ZCCHC7: variants seen among roughly 807,000 people sequenced by gnomAD.
ZCCHC7 encodes zinc finger CCHC-type containing 7, also known as zinc finger CCHC domain-containing protein 7.
Under a neutral mutation model 52.0 loss-of-function variants are expected in ZCCHC7, and 35 were observed. The observed-to-expected ratio is 0.67, with a 90% CI of 0.51 to 0.89. The LOEUF (loss-of-function observed/expected upper bound fraction) is 0.89. Among genes scored for constraint, ZCCHC7 ranks in the 40% least tolerant of loss-of-function variants. ZCCHC7 has a pLI of 0.00. For synonymous variants in ZCCHC7, 217 were observed against 221.5 expected (o/e 0.98, Z 0.18); for missense variants, 574 against 649.1 (o/e 0.88, Z 1.26).
chr9:37,270,485 G>A (rs1011055705), intron 2 of ZCCHC7, among the ~76,000 whole-genome samples: 7 of 152,042 alleles, frequency 4.6e-5, no homozygotes, highest in Admixed American at 3.3e-4. Context: ...GAAGTCCGGG[G>A]TTCAAAACCA....
At chr9:37,291,373 AAGC>A (rs1156363680) in intron 2 of ZCCHC7, among the ~76,000 whole-genome samples, 1 of 152,170 alleles carries the variant, frequency 6.6e-6, no homozygotes, top group African/African-American at 2.4e-5. Flanking sequence ...TAAAAAAAAA[AAGC>A]AGAGTATTCT....
At chr9:37,261,918 T>C (rs996662342) in intron 2 of ZCCHC7, among the ~76,000 whole-genome samples, 2 of 152,198 alleles carry the variant, frequency 1.3e-5, no homozygotes, top group East Asian at 3.8e-4. Context: ...CCAGAGGTCT[T>C]AGTAAATGAG....
At chr9:37,284,586 A>T (rs987098700) in intron 2 of ZCCHC7, among the ~76,000 whole-genome samples, 4 of 130,054 alleles carry the variant, frequency 3.1e-5, no homozygotes, top group Non-Finnish European at 1.7e-5. Context: ...GCACGGTGTG[A>T]GTTTAAATGG....
chr9:37,163,874 A>G lies in ZCCHC7; in HGVS notation c.610+36932A>G, dbSNP rs376430226. Among the ~76,000 whole-genome samples, 8 of 152,178 alleles carry G rather than the reference A, an allele frequency of 5.3e-5. No individual in the cohort carries two copies. In the East Asian group the frequency reaches 9.6e-4, roughly 18 times the overall value. On this transcript the variant is annotated intron_variant, in intron 2 of 8. Coordinates refer to ENST00000336755, the MANE Select transcript of ZCCHC7 (RefSeq NM_032226.3). Reference sequence around the variant, plus strand: ...TTTTATATGATGTGAGGTGTAAATCAGAGTCCTTTATTTTTATATGGAGAT... The same window carrying G: ...TTTTATATGATGTGAGGTGTAAATCGGAGTCCTTTATTTTTATATGGAGAT...
intron 2 of ZCCHC7, among the ~76,000 whole-genome samples, chr9:37,214,680 C>CT (rs1414955884): frequency 6.6e-6 from 1 of 151,586 alleles, no homozygotes; most frequent in Non-Finnish European, 1.5e-5. Context: ...TTCTTATTTT[C>CT]TTTGATGTTT....
intron 2 of ZCCHC7, among the ~76,000 whole-genome samples, chr9:37,246,374 A>AC (rs772469074): frequency 2.6e-4 from 40 of 152,290 alleles, no homozygotes; most frequent in Admixed American, 5.9e-4. Flanking sequence ...AACTGAACCC[A>AC]CAGGAGTCCA....
intron 2 of ZCCHC7, among the ~76,000 whole-genome samples, chr9:37,293,365 A>T (rs1470575846): frequency 6.6e-6 from 1 of 152,202 alleles, no homozygotes. Flanking sequence ...TGTTAAAAGA[A>T]ATAATAGGAT....
At chr9:37,279,397 T>C (rs1479870134) in intron 2 of ZCCHC7, among the ~76,000 whole-genome samples, 1 of 151,738 alleles carries the variant, frequency 6.6e-6, no homozygotes, top group Non-Finnish European at 1.5e-5. Flanking sequence ...TTTCAGTTCT[T>C]AGAACAGACA....
chr9:37,276,099 G>T (rs933272650), intron 2 of ZCCHC7, among the ~76,000 whole-genome samples: 1 of 152,086 alleles, frequency 6.6e-6, no homozygotes, highest in East Asian at 1.9e-4. Flanking sequence ...TTTTATTTTG[G>T]CTTTAGTATG....
chr9:37,249,953 C>G (rs919298581), intron 2 of ZCCHC7, among the ~76,000 whole-genome samples: 3 of 152,144 alleles, frequency 2.0e-5, no homozygotes, highest in Non-Finnish European at 4.4e-5. Flanking sequence ...CTGCCTAACT[C>G]GTAGAAAGGC....
intron 2 of ZCCHC7, among the ~76,000 whole-genome samples, chr9:37,183,762 A>C (rs917330604): frequency 1.3e-5 from 2 of 152,232 alleles, no homozygotes; most frequent in African/African-American, 4.8e-5. Context: ...AATGAATTTT[A>C]TCTCTCATTT....
intron 2 of ZCCHC7, among the ~76,000 whole-genome samples, chr9:37,165,163 T>A (rs1821350604): frequency 6.6e-6 from 1 of 152,212 alleles, no homozygotes; most frequent in South Asian, 2.1e-4. Context: ...CTGGTATATA[T>A]TGATCTTGAT....
chr9:37,315,795 A>T (rs1829790634), intron 5 of ZCCHC7, among the ~76,000 whole-genome samples: 1 of 143,810 alleles, frequency 7.0e-6, no homozygotes, highest in Non-Finnish European at 1.5e-5. Context: ...TCACCCTGTC[A>T]TCCCTGGTTT....
intron 6 of ZCCHC7, among the ~76,000 whole-genome samples, chr9:37,339,075 G>T (rs945769954): frequency 2.6e-5 from 4 of 152,116 alleles, no homozygotes; most frequent in Non-Finnish European, 5.9e-5. Flanking sequence ...TGTATATATG[G>T]TACACATGGT....
chr9:37,237,844 G>A (rs1825722627), intron 2 of ZCCHC7, among the ~76,000 whole-genome samples: 1 of 152,134 alleles, frequency 6.6e-6, no homozygotes, highest in Middle Eastern at 3.2e-3. Context: ...ATTTTAATGT[G>A]TGTATTTGCT....
At chr9:37,177,908 G>A (rs1822131499) in intron 2 of ZCCHC7, among the ~76,000 whole-genome samples, 3 of 152,150 alleles carry the variant, frequency 2.0e-5, no homozygotes, top group African/African-American at 7.2e-5. Context: ...GTGTAATGTG[G>A]TATCCTGGAT....
chr9:37,228,949 C>T (rs1825261488), intron 2 of ZCCHC7, among the ~76,000 whole-genome samples: 1 of 151,296 alleles, frequency 6.6e-6, no homozygotes, highest in African/African-American at 2.4e-5. Context: ...AGTTCTCCTG[C>T]CTCAGCCTCT....
intron 5 of ZCCHC7, among the ~76,000 whole-genome samples, chr9:37,317,311 G>A (rs1400352247): frequency 6.6e-6 from 1 of 152,202 alleles, no homozygotes. Flanking sequence ...GCTCATTTGT[G>A]AATTTAAGGG....
chr9:37,254,143 G>A (rs1826461727), intron 2 of ZCCHC7, among the ~76,000 whole-genome samples: 1 of 151,962 alleles, frequency 6.6e-6, no homozygotes, highest in South Asian at 2.1e-4. Flanking sequence ...TGGTGAGAAC[G>A]TACAACCAGA....
Sources: allele counts gnomAD v4.1 joint callset (sites outside exome capture counted in the v4.1 genomes callset), GRCh38; gene constraint gnomAD v4.1.1; transcripts MANE v1.5; gene names NCBI Gene and HGNC (gene_info 2026-07-23, HGNC 2026-07-21).